Variants in ATP6V0A4 observed in about 807,000 individuals in gnomAD.
ATP6V0A4 encodes the protein ATPase H+ transporting V0 subunit a4.
ATP6V0A4 carries 86 observed loss-of-function variants against 107.3 expected under a neutral mutation model. The ratio of observed to expected loss-of-function variants is 0.80; its 90% CI spans 0.67 to 0.96. The LOEUF is 0.96. ATP6V0A4 is among the 40% of genes least tolerant of loss of function. ATP6V0A4 has a pLI of 0.00. For missense variants in ATP6V0A4, 908 were observed against 1,045.6 expected, an observed-to-expected ratio of 0.87 and a Z score of 1.81; for synonymous variants, 353 against 381.4, an observed-to-expected ratio of 0.93 and a Z score of 0.87.
intron 18 of ATP6V0A4, among the ~76,000 whole-genome samples, chr7:138,725,981 G>GTTTA (rs71520024): frequency 0.48 from 72,942 of 150,600 alleles, 18,034 homozygotes; most frequent in African/African-American, 0.54. Flanking sequence ...TTGAAATGAA[G>GTTTA]TTTATTTATT....
chr7:138,740,757 G>T (rs1805598394), intron 14 of ATP6V0A4, among the ~76,000 whole-genome samples: 1 of 151,824 alleles, frequency 6.6e-6, no homozygotes, highest in Non-Finnish European at 1.5e-5. Flanking sequence ...TTCTTACTCT[G>T]TCTCTGCAAG....
chr7:138,760,277 C>G lies in ATP6V0A4; in HGVS notation c.513-399G>C, dbSNP rs535421851. ...TGGCCAACATGCTGAAACCCCATCT[C>G]TACTAAAAATACAAAATTAGCCACA... On this transcript the variant is annotated intron_variant, in intron 7 of 21. Transcript: ENST00000310018. Among the ~76,000 whole-genome samples the G allele has an allele frequency of 2.6e-5, 4 of 152,052 alleles. No individual in the cohort carries two copies. In the South Asian group the frequency reaches 8.3e-4, roughly 32 times the overall value.
At chr7:138,733,730 A>G (rs547815764) in intron 16 of ATP6V0A4, among the ~76,000 whole-genome samples, 17 of 151,988 alleles carry the variant, frequency 1.1e-4, no homozygotes, top group African/African-American at 4.1e-4. Flanking sequence ...GGTGCCCGAC[A>G]CCATGCCTGG....
intron 18 of ATP6V0A4, among the ~76,000 whole-genome samples, chr7:138,726,049 G>A (rs1334251845): frequency 6.6e-6 from 1 of 151,974 alleles, no homozygotes; most frequent in Non-Finnish European, 1.5e-5. Context: ...GAGTGCAGTG[G>A]TGCAATTTCG....
chr7:138,721,816 C>T (rs1287373653), intron 19 of ATP6V0A4, 81 bp downstream of exon 19: 4 of 1,553,822 alleles, frequency 2.6e-6, no homozygotes, highest in African/African-American at 1.4e-5. Context: ...CCCTCCAGAC[C>T]CACCCAGCTC....
In ATP6V0A4 at chr7:138,729,504, A is replaced by G. The variant is rs192681879; in HGVS notation, c.1909-642T>C. Reference sequence around the variant, plus strand: ...TCGGTCTCTCTCGCCTTCCCTTTGGAGTGAGGCAGCTGCGGTCTTCAGGCC... The same window carrying G: ...TCGGTCTCTCTCGCCTTCCCTTTGGGGTGAGGCAGCTGCGGTCTTCAGGCC... On this transcript the variant is annotated intron_variant, in intron 17 of 21. Transcript: ENST00000310018. Among the ~76,000 whole-genome samples, 260 of 152,164 alleles carry G rather than the reference A, an allele frequency of 1.7e-3. 2 individuals carry two copies. Among genetic ancestry groups the G allele is most frequent in the African/African-American group, 5.9e-3 (244 of 41,508 alleles).
At position 138,769,920 on chromosome 7, in the gene ATP6V0A4, A is replaced by G. The variant is rs112377042; in HGVS notation, c.118-669T>C. On this transcript the variant is annotated intron_variant, in intron 3 of 21. Coordinates refer to ENST00000310018, the MANE Select transcript of ATP6V0A4 (RefSeq NM_020632.3). ...TAATGAGACCTCATCTCTACAAAAAATTACAAAATTAACCGAGCGTGGTGG... is the reference window on the plus strand; with the variant it reads ...TAATGAGACCTCATCTCTACAAAAAGTTACAAAATTAACCGAGCGTGGTGG... Among the ~76,000 whole-genome samples, 1,512 of 152,202 alleles carry G rather than the reference A, an allele frequency of 9.9e-3. 40 individuals carry two copies. Among genetic ancestry groups the G allele is most frequent in the African/African-American group, 0.034 (1,412 of 41,532 alleles).
At chr7:138,786,516 C>A (rs1808183389) in intron 1 of ATP6V0A4, among the ~76,000 whole-genome samples, 1 of 151,828 alleles carries the variant, frequency 6.6e-6, no homozygotes, top group South Asian at 2.1e-4. Context: ...GAGGTCGACG[C>A]TGCAGTGAAC....
chr7:138,796,524 T>C lies in ATP6V0A4; in HGVS notation c.-121+1510A>G, dbSNP rs541328069. ...AGGCCCATTCATGCGCAGGAACACTTCCACACATGGCAGGCTGTGTGCACA... is the reference window on the plus strand; with the variant it reads ...AGGCCCATTCATGCGCAGGAACACTCCCACACATGGCAGGCTGTGTGCACA... On this transcript the variant is annotated intron_variant, in intron 1 of 21. Transcript: ENST00000310018. 1.4e-3 allele frequency among the ~76,000 whole-genome samples: 218 copies of C among 152,206 alleles called. 7 individuals are homozygous for C. In the South Asian group the frequency reaches 0.044, roughly 31 times the overall value.
At chr7:138,741,868 G>A (rs1246368328) in intron 14 of ATP6V0A4, among the ~76,000 whole-genome samples, 1 of 152,194 alleles carries the variant, frequency 6.6e-6, no homozygotes, top group Non-Finnish European at 1.5e-5. Flanking sequence ...TACTTCAGCT[G>A]TCGTTTTCTT....
At chr7:138,795,502 C>T (rs1481437757) in intron 1 of ATP6V0A4, among the ~76,000 whole-genome samples, 2 of 152,352 alleles carry the variant, frequency 1.3e-5, no homozygotes, top group South Asian at 2.1e-4. Context: ...ATAGGAGGGA[C>T]AGGCTCTGCT....
intron 2 of ATP6V0A4, 130 bp from the exon 3 acceptor site, chr7:138,771,394 A>G: frequency 1.0e-6 from 1 of 970,138 alleles, no homozygotes; most frequent in Non-Finnish European, 1.5e-6. Flanking sequence ...TTCTGATTTT[A>G]GGAGACTTTT....
At chr7:138,777,702 G>A (rs933027054) in intron 2 of ATP6V0A4, among the ~76,000 whole-genome samples, 13 of 150,376 alleles carry the variant, frequency 8.6e-5, no homozygotes, top group African/African-American at 3.2e-4. Flanking sequence ...GAAAAAGGGA[G>A]TAGAAATACT....
Position 138,749,147 on chromosome 7 carries a change from G to T in ATP6V0A4, c.1180+20C>A, listed in dbSNP as rs1424352255. On this transcript the variant is annotated intron_variant, in intron 12 of 21. Coordinates refer to ENST00000310018, the MANE Select transcript of ATP6V0A4 (RefSeq NM_020632.3). ...TTTCACTTTCAAGCTACCCAGTCGTGCAGTTCATCAGATCTTTACCTGGGT... is the reference window on the plus strand; with the variant it reads ...TTTCACTTTCAAGCTACCCAGTCGTTCAGTTCATCAGATCTTTACCTGGGT... 2 of 1,613,578 alleles carry T rather than the reference G, an allele frequency of 1.2e-6. No homozygotes were observed. The highest frequency in any genetic ancestry group is 2.2e-5 in the East Asian group (1 of 44,874).
intron 2 of ATP6V0A4, among the ~76,000 whole-genome samples, chr7:138,785,582 G>A (rs1416387211): frequency 1.3e-5 from 2 of 152,018 alleles, no homozygotes; most frequent in African/African-American, 4.8e-5. Context: ...ACCCAGCCAA[G>A]CTGAATACTT....
chr7:138,742,145 G>C (rs1460164574), intron 14 of ATP6V0A4, among the ~76,000 whole-genome samples: 1 of 152,098 alleles, frequency 6.6e-6, no homozygotes, highest in Non-Finnish European at 1.5e-5. Context: ...AACTCATCTC[G>C]GCCGGGCACG....
chr7:138,739,689 A>T (rs1805517325), intron 14 of ATP6V0A4, 56 bp from the exon 15 acceptor site: 2 of 1,604,086 alleles, frequency 1.2e-6, no homozygotes, highest in Non-Finnish European at 1.7e-6. Flanking sequence ...CAGAAAAGAT[A>T]CTATAATACC....
At chr7:138,738,798 A>T (rs1206056626) in intron 15 of ATP6V0A4, among the ~76,000 whole-genome samples, 2 of 152,182 alleles carry the variant, frequency 1.3e-5, no homozygotes, top group African/African-American at 4.8e-5. Context: ...TCAGCAACGA[A>T]AACGGAGGTC....
chr7:138,756,429 T>C, intron 9 of ATP6V0A4, 29 bp downstream of exon 9: 4 of 1,603,830 alleles, frequency 2.5e-6, no homozygotes, highest in Non-Finnish European at 1.7e-6. Flanking sequence ...CCCAAATCAC[T>C]GAAGAAAGAG....
Sources: gnomAD v4.1 joint callset for allele counts (sites outside exome capture counted in the v4.1 genomes callset) on GRCh38, gnomAD v4.1.1 for gene constraint, MANE v1.5 for transcripts, NCBI Gene and HGNC (gene_info 2026-07-23, HGNC 2026-07-21) for gene names.